Variants in HDX observed in about 807,000 individuals in gnomAD.
HDX encodes the protein highly divergent homeobox.
In HDX, 19 loss-of-function variants were observed where a neutral mutation model predicts 45.2. The observed-to-expected ratio is 0.42, with a 90% CI of 0.29 to 0.62. The LOEUF (loss-of-function observed/expected upper bound fraction) is 0.62. HDX is among the 20% of genes least tolerant of loss of function. The pLI is 0.20. For missense variants in HDX, 532 were observed against 493.9 expected, an observed-to-expected ratio of 1.08 and a Z score of -0.73; for synonymous variants, 188 against 172.8, an observed-to-expected ratio of 1.09 and a Z score of -0.69.
intron 4 of HDX, among the ~76,000 whole-genome samples, chrX:84,462,604 A>G (rs945566150): frequency 9.0e-6 from 1 of 111,616 alleles, no homozygotes; most frequent in Admixed American, 9.5e-5. Flanking sequence ...TTCTTTTGAT[A>G]CTAAAGAAAA....
At chrX:84,327,830 A>AT (rs1011869407) in intron 9 of HDX, among the ~76,000 whole-genome samples, 1 of 110,873 alleles carries the variant, frequency 9.0e-6, no homozygotes, top group African/African-American at 3.3e-5. Flanking sequence ...TTATTTATTT[A>AT]TTTTTTATTT....
chrX:84,495,272 T>G (rs1018119819), intron 1 of HDX, among the ~76,000 whole-genome samples: 1 of 111,634 alleles, frequency 9.0e-6, no homozygotes, highest in African/African-American at 3.2e-5. Context: ...GTTCAAGAGA[T>G]CTATTGTATA....
In HDX at chrX:84,347,071, C is replaced by T. The variant is rs755236610; in HGVS notation, c.1453-2614G>A. On this transcript the variant is annotated intron_variant, in intron 6 of 10. Coordinates refer to ENST00000373177, the MANE Select transcript of HDX (RefSeq NM_001177479.2). Reference sequence around the variant, plus strand: ...TGTGCCTATTTCACTAAATTTATACCTAAGTGTTTAATTTTGGGGAAGCTA... The same window carrying T: ...TGTGCCTATTTCACTAAATTTATACTTAAGTGTTTAATTTTGGGGAAGCTA... Among the ~76,000 whole-genome samples the T allele has an allele frequency of 1.9e-3, 196 of 105,212 alleles. 1 individual carries two copies. The highest frequency in any genetic ancestry group is 2.4e-3 in the Non-Finnish European group (122 of 50,830). 91.4% of individuals were successfully genotyped at this position (105,212 alleles called of 115,157 possible). A position where few individuals can be genotyped will look rare whatever the true frequency, so the allele number is the denominator to read the frequency against.
At chrX:84,366,607 A>G (rs1359696435) in intron 5 of HDX, among the ~76,000 whole-genome samples, 1 of 111,784 alleles carries the variant, frequency 8.9e-6, no homozygotes. Context: ...AGTAAGCAAA[A>G]CAGCATGGTA....
chrX:84,409,337 T>A (rs1207429596), intron 5 of HDX, among the ~76,000 whole-genome samples: 1 of 111,034 alleles, frequency 9.0e-6, no homozygotes, highest in African/African-American at 3.3e-5. Flanking sequence ...GATCGAGAAC[T>A]AGAAATACCA....
At chrX:84,417,218 G>GAAAAGAAAGAAAGAAAGAA (rs61537095) in intron 5 of HDX, among the ~76,000 whole-genome samples, 4 of 100,295 alleles carry the variant, frequency 4.0e-5, no homozygotes, top group South Asian at 4.9e-4. Context: ...AAAAAAAAGA[G>GAAAAGAAAGAAAGAAAGAA]AGAAAGAAAG....
intron 2 of HDX, among the ~76,000 whole-genome samples, chrX:84,484,980 T>TATTA (rs34855946): frequency 0.35 from 38,791 of 110,454 alleles, 5,511 homozygotes; most frequent in African/African-American, 0.53. Context: ...ATAAAGTATA[T>TATTA]ATTGTCATTC....
chrX:84,501,724 G>A (rs1433966721), intron 1 of HDX, among the ~76,000 whole-genome samples: 2 of 111,852 alleles, frequency 1.8e-5, no homozygotes, highest in Non-Finnish European at 3.8e-5. Context: ...CTAAATGGCA[G>A]ATCTCTCCCC....
intron 6 of HDX, among the ~76,000 whole-genome samples, chrX:84,354,930 C>CATATATATATAT (rs72331919): frequency 1.7e-4 from 13 of 74,828 alleles, no homozygotes; most frequent in Non-Finnish European, 2.7e-4. Flanking sequence ...CACACACACA[C>CATATATATATAT]ATATATATAT....
chrX:84,415,160 A>G (rs963754654), intron 5 of HDX, among the ~76,000 whole-genome samples: 2 of 112,064 alleles, frequency 1.8e-5, no homozygotes, highest in South Asian at 7.4e-4. Flanking sequence ...TGTATTGATA[A>G]TTAAGCTACA....
chrX:84,492,847 C>T (rs2040918291), intron 1 of HDX, among the ~76,000 whole-genome samples: 1 of 110,794 alleles, frequency 9.0e-6, no homozygotes, highest in Non-Finnish European at 1.9e-5. Context: ...CAAATAGCAT[C>T]GTGTCCACAT....
intron 4 of HDX, among the ~76,000 whole-genome samples, chrX:84,454,371 G>T (rs2040066817): frequency 9.0e-6 from 1 of 111,231 alleles, no homozygotes. Flanking sequence ...TCTCAAGTAT[G>T]GCAATATTCA....
At chrX:84,452,620 A>G (rs2148094119) in intron 4 of HDX, among the ~76,000 whole-genome samples, 1 of 111,299 alleles carries the variant, frequency 9.0e-6, no homozygotes, top group South Asian at 3.8e-4. Flanking sequence ...TGGTACTGGT[A>G]TATAAACAGA....
intron 7 of HDX, among the ~76,000 whole-genome samples, chrX:84,337,084 G>A (rs909976328): frequency 2.8e-4 from 30 of 108,868 alleles, no homozygotes; most frequent in Admixed American, 2.0e-4. Context: ...GATGGTCACC[G>A]TTGTCCTATT....
At position 84,319,001 on chromosome X, in the gene HDX, T is replaced by C. The variant is rs1208466636; in HGVS notation, c.*2888A>G. The stretch of plus-strand genomic sequence containing the variant: ...GCTTGGCTGAAAAGAAGAAAATACC[T>C]TCCTTTTTTTTTCATATGTACACAT... On this transcript the variant is annotated 3_prime_UTR_variant, in exon 11 of 11. Coordinates refer to ENST00000373177, the MANE Select transcript of HDX (RefSeq NM_001177479.2). 1 of 111,337 alleles carries C rather than the reference T, an allele frequency of 9.0e-6. No homozygotes were observed. Among genetic ancestry groups the C allele is most frequent in the African/African-American group, 3.2e-5 (1 of 30,848 alleles). 9.2% of individuals were successfully genotyped at this position (111,337 alleles called of 1,213,427 possible).
At chrX:84,360,660 T>C (rs1156400356) in intron 6 of HDX, among the ~76,000 whole-genome samples, 1 of 111,341 alleles carries the variant, frequency 9.0e-6, no homozygotes, top group Non-Finnish European at 1.9e-5. Context: ...ATAAATGAAA[T>C]AATATAATAT....
At chrX:84,324,417 T>G (rs1378204333) in intron 10 of HDX, among the ~76,000 whole-genome samples, 1 of 111,745 alleles carries the variant, frequency 8.9e-6, no homozygotes, top group Non-Finnish European at 1.9e-5. Context: ...TTTTTTGGAC[T>G]ACTATTCGTG....
Position 84,344,387 on chromosome X carries a change from G to A in HDX, c.1523C>T (p.Pro508Leu). Residue 508 changes from proline (P) to leucine (L), a missense_variant, in exon 7 of 11, where the codon CCT (proline) becomes CTT (leucine). Around this residue, in one of 3 missense-constraint regions of HDX, gnomAD observed 151 missense variants for 131.8 expected, o/e 1.15. Transcript: ENST00000373177. ...CTCAGGCTGCTCAGAGAAATCAGCAGGGCCTCCTCTTGGAGGTGGAACTTC... is the reference window on the plus strand; with the variant it reads ...CTCAGGCTGCTCAGAGAAATCAGCAAGGCCTCCTCTTGGAGGTGGAACTTC... ...GIEVPPPRGG[P>L]ADFSEQPESG... The A allele has an allele frequency of 8.3e-7, 1 of 1,206,161 alleles. No homozygotes were observed. The highest frequency in any genetic ancestry group is 1.8e-5 in the South Asian group (1 of 56,850).
intron 5 of HDX, among the ~76,000 whole-genome samples, chrX:84,400,520 A>G (rs1203415662): frequency 1.8e-5 from 2 of 110,165 alleles, no homozygotes; most frequent in Admixed American, 2.0e-4. Flanking sequence ...CTCTTTAAGG[A>G]GAACTACAGA....
Sources: allele counts gnomAD v4.1 joint callset (sites outside exome capture counted in the v4.1 genomes callset), GRCh38; gene constraint gnomAD v4.1.1; regional missense constraint gnomAD v4.1.1; transcripts MANE v1.5; gene names NCBI Gene and HGNC (gene_info 2026-07-23, HGNC 2026-07-21).